Variants in CNTNAP5 observed in about 807,000 individuals in gnomAD.
CNTNAP5 encodes the protein contactin associated protein family member 5, also known as contactin-associated protein-like 5.
In CNTNAP5, 72 loss-of-function variants were observed where a neutral mutation model predicts 150.2. The observed-to-expected ratio is 0.48, with a 90% CI of 0.40 to 0.58. The LOEUF is 0.58. CNTNAP5 is among the 20% of genes least tolerant of loss of function. The pLI is 0.00. For missense variants in CNTNAP5, 1,636 were observed against 1,626.2 expected (o/e 1.01, Z -0.10); for synonymous variants, 672 against 619.8 (o/e 1.08, Z -1.25).
intron 3 of CNTNAP5, among the ~76,000 whole-genome samples, chr2:124,347,069 C>A (rs1573931219): frequency 6.6e-6 from 1 of 151,964 alleles, no homozygotes. Flanking sequence ...GCCTGGGTGA[C>A]AGAGGGAGAC....
intron 14 of CNTNAP5, among the ~76,000 whole-genome samples, chr2:124,757,497 C>A (rs72847340): frequency 1.3e-5 from 2 of 152,180 alleles, no homozygotes; most frequent in South Asian, 4.1e-4. Context: ...GTGGGAGACC[C>A]GTGTTGGAGC....
At chr2:124,431,153 A>T (rs79736874) in intron 4 of CNTNAP5, among the ~76,000 whole-genome samples, 2,723 of 152,266 alleles carry the variant, frequency 0.018, 36 homozygotes, top group Middle Eastern at 0.031. Flanking sequence ...AGGTCTCATG[A>T]CAACGTGGAG....
chr2:124,184,028 G>A (rs1685270311), intron 1 of CNTNAP5, among the ~76,000 whole-genome samples: 1 of 152,184 alleles, frequency 6.6e-6, no homozygotes, highest in Admixed American at 6.6e-5. Flanking sequence ...ACATTTAGAG[G>A]ATTCCAGAGG....
intron 21 of CNTNAP5, among the ~76,000 whole-genome samples, chr2:124,900,434 A>C (rs1349280028): frequency 6.6e-6 from 1 of 151,398 alleles, no homozygotes; most frequent in East Asian, 1.9e-4. Context: ...ATTTTCTCCT[A>C]TCAGGGATTC....
intron 3 of CNTNAP5, among the ~76,000 whole-genome samples, chr2:124,367,215 G>A (rs189013578): frequency 2.1e-4 from 32 of 152,314 alleles, no homozygotes; most frequent in African/African-American, 6.5e-4. Context: ...GTAACCATTG[G>A]ACTGGTGGCA....
intron 19 of CNTNAP5, among the ~76,000 whole-genome samples, chr2:124,862,902 G>A (rs903118132): frequency 2.6e-5 from 4 of 152,168 alleles, no homozygotes; most frequent in Admixed American, 2.0e-4. Flanking sequence ...CTAAGAAGGC[G>A]AGTGAAGTAT....
chr2:124,305,111 C>CAA (rs57896748), intron 3 of CNTNAP5, among the ~76,000 whole-genome samples: 14,113 of 86,266 alleles, frequency 0.16, 1,295 homozygotes, highest in East Asian at 0.43. Flanking sequence ...ACAAAAAATA[C>CAA]AAAAAAAAAA....
At chr2:124,557,160 A>T (rs564971066) in intron 10 of CNTNAP5, among the ~76,000 whole-genome samples, 2 of 152,140 alleles carry the variant, frequency 1.3e-5, no homozygotes, top group Non-Finnish European at 2.9e-5. Flanking sequence ...ATCAAAAGGA[A>T]TTGCATTACT....
intron 1 of CNTNAP5, among the ~76,000 whole-genome samples, chr2:124,191,971 C>T (rs763974431): frequency 1.1e-4 from 17 of 151,980 alleles, no homozygotes; most frequent in African/African-American, 3.9e-4. Flanking sequence ...TAAGGAGCTG[C>T]AGTCTCGTGT....
intron 3 of CNTNAP5, among the ~76,000 whole-genome samples, chr2:124,260,013 A>C (rs1687411323): frequency 6.6e-6 from 1 of 152,172 alleles, no homozygotes; most frequent in Non-Finnish European, 1.5e-5. Context: ...TTGGAAAAAA[A>C]CTACTTTAAA....
At chr2:124,474,402 T>G (rs1337621135) in intron 6 of CNTNAP5, among the ~76,000 whole-genome samples, 3 of 152,074 alleles carry the variant, frequency 2.0e-5, no homozygotes, top group Non-Finnish European at 4.4e-5. Flanking sequence ...GCCATATCTT[T>G]TAAGATGCTT....
At chr2:124,055,189 G>A (rs1681812558) in intron 1 of CNTNAP5, among the ~76,000 whole-genome samples, 1 of 152,194 alleles carries the variant, frequency 6.6e-6, no homozygotes, top group South Asian at 2.1e-4. Context: ...ACATCTGTAA[G>A]CCTAAGAAAG....
At chr2:124,053,329 A>C (rs758272208) in intron 1 of CNTNAP5, among the ~76,000 whole-genome samples, 25 of 146,320 alleles carry the variant, frequency 1.7e-4, no homozygotes, top group Admixed American at 7.0e-4. Context: ...ACCTCTTTCT[A>C]TTTATTTGTT....
intron 13 of CNTNAP5, among the ~76,000 whole-genome samples, chr2:124,688,602 C>G (rs1679239560): frequency 2.6e-5 from 4 of 151,972 alleles, no homozygotes. Context: ...AAGGAAGAAT[C>G]CATTGTACGA....
In CNTNAP5 at chr2:124,506,191, G is replaced by GAAAA. The variant is rs541248963; in HGVS notation, c.1327+1649_1327+1652dup. On this transcript the variant is annotated intron_variant, in intron 8 of 23. Coordinates refer to ENST00000682447, the MANE Select transcript of CNTNAP5 (RefSeq NM_001367498.1). ...CTGCAGTTAGAAGCAGACTTTTAAA[G>GAAAA]AAAAAAAAAAAAAAAAAGAGGCAGT... Among the ~76,000 whole-genome samples, 84 of 129,272 alleles carry GAAAA rather than the reference G, an allele frequency of 6.5e-4. 1 individual carries two copies. The highest frequency in any genetic ancestry group is 2.2e-3 in the Admixed American group (29 of 12,912). 84.8% of individuals were successfully genotyped at this position (129,272 alleles called of 152,430 possible). A position where few individuals can be genotyped will look rare whatever the true frequency, so the allele number is the denominator to read the frequency against.
chr2:124,157,234 T>TA (rs1337753177), intron 1 of CNTNAP5, among the ~76,000 whole-genome samples: 1 of 152,148 alleles, frequency 6.6e-6, no homozygotes, highest in African/African-American at 2.4e-5. Flanking sequence ...TTCCCCTGGG[T>TA]AGAGAGACCA....
chr2:124,677,178 C>T (rs996205071), intron 13 of CNTNAP5, among the ~76,000 whole-genome samples: 2 of 152,166 alleles, frequency 1.3e-5, no homozygotes, highest in Admixed American at 1.3e-4. Flanking sequence ...CACGGTCTCA[C>T]TGACTTCAGG....
At chr2:124,715,324 T>C (rs1679920454) in intron 13 of CNTNAP5, among the ~76,000 whole-genome samples, 1 of 152,142 alleles carries the variant, frequency 6.6e-6, no homozygotes, top group Non-Finnish European at 1.5e-5. Context: ...CGGCTTAGAG[T>C]CAAAATAGCA....
intron 18 of CNTNAP5, among the ~76,000 whole-genome samples, chr2:124,791,762 C>G (rs1247624165): frequency 6.6e-6 from 1 of 150,494 alleles, no homozygotes; most frequent in Admixed American, 6.6e-5. Context: ...GTCCACGGCC[C>G]TGTATCTTTT....
Sources: allele counts gnomAD v4.1 joint callset (sites outside exome capture counted in the v4.1 genomes callset), GRCh38; gene constraint gnomAD v4.1.1; transcripts MANE v1.5; gene names NCBI Gene and HGNC (gene_info 2026-07-23, HGNC 2026-07-21).